LIMCH1: variants seen among roughly 807,000 people sequenced by gnomAD.
The protein encoded by LIMCH1 is LIM and calponin homology domains-containing protein 1.
A neutral mutation model predicts 176.5 loss-of-function variants in LIMCH1; 113 were observed. That is an observed-to-expected ratio of 0.64 (90% CI 0.55 to 0.75). The LOEUF is 0.75. Among genes scored for constraint, LIMCH1 ranks in the 30% least tolerant of loss-of-function variants. The probability of loss-of-function intolerance (pLI) is 0.00; values close to 1 mark genes in which losing one functional copy is unlikely to be tolerated. For missense variants in LIMCH1, 1,674 were observed against 1,814.9 expected (o/e 0.92, Z 1.41); for synonymous variants, 619 against 645.9 (o/e 0.96, Z 0.63).
At chr4:41,403,679 A>G (rs2058692835) in intron 1 of LIMCH1, among the ~76,000 whole-genome samples, 3 of 152,222 alleles carry the variant, frequency 2.0e-5, no homozygotes, top group Admixed American at 1.3e-4. Flanking sequence ...TAGCTCCTGC[A>G]TTGATCTTGC....
chr4:41,546,512 A>G (rs1253947410), intron 1 of LIMCH1, among the ~76,000 whole-genome samples: 2 of 151,912 alleles, frequency 1.3e-5, no homozygotes, highest in African/African-American at 4.8e-5. Flanking sequence ...GCCTATCTAT[A>G]GAATGAAATC....
intron 1 of LIMCH1, chr4:41,494,533 C>T: frequency 2.5e-6 from 4 of 1,607,606 alleles, no homozygotes; most frequent in Admixed American, 1.7e-5. Flanking sequence ...TTCTTTTTTG[C>T]AGCAAGTAAC....
At chr4:41,612,080 T>A (rs1179136535) in intron 4 of LIMCH1, among the ~76,000 whole-genome samples, 4 of 152,168 alleles carry the variant, frequency 2.6e-5, no homozygotes. Context: ...CAGTCCTCTG[T>A]CTGGAGGCTG....
intron 1 of LIMCH1, among the ~76,000 whole-genome samples, chr4:41,483,799 C>T (rs570937766): frequency 3.9e-5 from 6 of 152,324 alleles, no homozygotes; most frequent in East Asian, 1.9e-4. Context: ...AAATGTCAGC[C>T]GCTCAAGGGC....
chr4:41,360,379 G>A (rs1278052496), upstream of LIMCH1, among the ~76,000 whole-genome samples: 1 of 151,922 alleles, frequency 6.6e-6, no homozygotes, highest in African/African-American at 2.4e-5. The surrounding 1 kb of genome is among the most constrained non-coding windows in gnomAD (Gnocchi z 4.5). Flanking sequence ...GCCCCACTGG[G>A]CGCGCGTCTC....
intron 2 of LIMCH1, among the ~76,000 whole-genome samples, chr4:41,495,183 C>A (rs1271217769): frequency 6.6e-6 from 1 of 152,074 alleles, no homozygotes; most frequent in Admixed American, 6.6e-5. Context: ...ATAAGCAGAG[C>A]CTTCGTACTT....
chr4:41,446,038 C>T (rs757389072), intron 1 of LIMCH1, among the ~76,000 whole-genome samples: 3 of 152,152 alleles, frequency 2.0e-5, no homozygotes, highest in Non-Finnish European at 4.4e-5. Flanking sequence ...GGTCTGAAGC[C>T]TCAGTACATT....
At chr4:41,468,083 C>T (rs1233827257) in intron 1 of LIMCH1, among the ~76,000 whole-genome samples, 5 of 152,176 alleles carry the variant, frequency 3.3e-5, no homozygotes, top group African/African-American at 1.2e-4. Context: ...GCAAAGCTTA[C>T]ATGTTTGCTT....
At chr4:41,531,794 TG>T (rs2152440949) in intron 3 of LIMCH1, among the ~76,000 whole-genome samples, 2 of 152,322 alleles carry the variant, frequency 1.3e-5, no homozygotes, top group African/African-American at 4.8e-5. Flanking sequence ...AACCCTCATG[TG>T]TTTTTCCTGC....
At chr4:41,412,795 G>A (rs2059605412) in intron 1 of LIMCH1, among the ~76,000 whole-genome samples, 1 of 152,158 alleles carries the variant, frequency 6.6e-6, no homozygotes, top group Non-Finnish European at 1.5e-5. Context: ...TTCTGGCTGA[G>A]TGGATGGCAA....
At chr4:41,567,502 C>T (rs1195491387) in intron 1 of LIMCH1, among the ~76,000 whole-genome samples, 1 of 152,092 alleles carries the variant, frequency 6.6e-6, no homozygotes, top group Admixed American at 6.5e-5. Context: ...TAATATATGA[C>T]TGAGGCAGAA....
intron 3 of LIMCH1, among the ~76,000 whole-genome samples, chr4:41,525,888 T>TATAATGCTTCTA (rs1193927527): frequency 6.6e-6 from 1 of 152,082 alleles, no homozygotes; most frequent in African/African-American, 2.4e-5. Context: ...GCTCTGGGGT[T>TATAATGCTTCTA]TAATGTTATA....
At chr4:41,588,143 T>G (rs955699915) in intron 1 of LIMCH1, among the ~76,000 whole-genome samples, 1 of 151,912 alleles carries the variant, frequency 6.6e-6, no homozygotes, top group Non-Finnish European at 1.5e-5. Context: ...TGTCCATGTG[T>G]TCTCATTGTT....
rs780191896 is a variant in LIMCH1, at chr4:41,633,083, A to G, written c.1827A>G (p.Pro609=). 4.5e-5 allele frequency: 69 copies of G among 1,531,782 alleles called. 1 individual carries two copies. The highest frequency in any genetic ancestry group is 2.7e-5 in the Non-Finnish European group (31 of 1,143,782). The allele number at this position is 1,531,782 out of a possible 1,614,324, so 94.9% of individuals were successfully genotyped here. ...KAERSEDSSQ[P]LVCPLASECE... is the part of the protein sequence containing the mutation. ...AAAGATCAGAGGACAGCAGCCAGCC[A>G]CTGTGAGCATCTTGCCTGCGCTCTG... Residue 609 remains proline, a splice_region_variant and synonymous_variant, in exon 12 of 32, where the codon CCA becomes CCG. Coordinates refer to ENST00000503057, the MANE Select transcript of LIMCH1 (RefSeq NM_001330672.2).
intron 1 of LIMCH1, among the ~76,000 whole-genome samples, chr4:41,362,422 C>T (rs550031752): frequency 6.6e-6 from 1 of 152,294 alleles, no homozygotes; most frequent in East Asian, 1.9e-4. Context: ...TCCCAGGATA[C>T]ACAGGAAGCA....
chr4:41,511,229 TTC>T (rs1289389452), intron 2 of LIMCH1, among the ~76,000 whole-genome samples: 1 of 152,256 alleles, frequency 6.6e-6, no homozygotes, highest in African/African-American at 2.4e-5. Context: ...GTTCCTACAA[TTC>T]TCTTTGTGCT....
chr4:41,362,707 A>G (rs1342926216), intron 1 of LIMCH1, among the ~76,000 whole-genome samples: 1 of 152,212 alleles, frequency 6.6e-6, no homozygotes, highest in Non-Finnish European at 1.5e-5. Context: ...ACATATGTAT[A>G]TTACTATAGC....
chr4:41,644,465 G>C (rs1278909203), intron 14 of LIMCH1, 35 bp from the exon 15 acceptor site: 1 of 1,456,460 alleles, frequency 6.9e-7, no homozygotes, highest in Non-Finnish European at 9.1e-7. Context: ...GGCGCTGATC[G>C]CGGTCCCTCT....
intron 14 of LIMCH1, among the ~76,000 whole-genome samples, chr4:41,639,185 C>T (rs2093717623): frequency 1.3e-5 from 2 of 152,198 alleles, no homozygotes; most frequent in African/African-American, 4.8e-5. Flanking sequence ...GAAGCTGCTG[C>T]TTGAAACTTA....
Sources: allele counts gnomAD v4.1 joint callset (sites outside exome capture counted in the v4.1 genomes callset), GRCh38; gene constraint gnomAD v4.1.1; non-coding constraint Gnocchi (gnomAD v3.1); transcripts MANE v1.5; gene names NCBI Gene and HGNC (gene_info 2026-07-23, HGNC 2026-07-21).